Variants in FCHO2 observed in about 807,000 individuals in gnomAD.
FCHO2 encodes the protein FCH and mu domain containing endocytic adaptor 2, also known as F-BAR domain only protein 2.
Under a neutral mutation model 114.1 loss-of-function variants are expected in FCHO2, and 43 were observed. That is an observed-to-expected ratio of 0.38 (90% confidence interval 0.30 to 0.49). The LOEUF is 0.49. Among genes scored for constraint, FCHO2 ranks in the 20% least tolerant of loss-of-function variants. The pLI is 0.97. For missense variants in FCHO2, 807 were observed against 950.4 expected (o/e 0.85, Z 1.98); for synonymous variants, 293 against 315.2 (o/e 0.93, Z 0.75).
At chr5:72,997,514 A>T in intron 5 of FCHO2, 1 of 1,425,296 alleles carries the variant, frequency 7.0e-7, no homozygotes. Flanking sequence ...GGCCATCACC[A>T]TCAAATCCTG....
At chr5:72,957,712 C>T (rs1369147509) in intron 1 of FCHO2, among the ~76,000 whole-genome samples, 1 of 152,052 alleles carries the variant, frequency 6.6e-6, no homozygotes, top group Non-Finnish European at 1.5e-5. Context: ...AATGGGATTC[C>T]TGGGTCAAAT....
chr5:73,078,376 A>C, intron 22 of FCHO2, 64 bp downstream of exon 22: 1 of 1,400,354 alleles, frequency 7.1e-7, no homozygotes. Context: ...CTAGCATATA[A>C]ATGAATAAGT....
rs1212007728 is a variant in FCHO2, at chr5:72,980,127, G to T, written c.126-9300G>T. Among the ~76,000 whole-genome samples, 9 of 152,308 alleles carry T rather than the reference G, an allele frequency of 5.9e-5. No homozygotes were observed. In the East Asian group the frequency reaches 1.5e-3, roughly 26 times the overall value. ...TAAACACTGTTTCAGCTGTGTCCCA[G>T]AGATCCTGGTATGTTGTGTCTTTGT... On this transcript the variant is annotated intron_variant, in intron 2 of 25. Transcript: ENST00000430046.
chr5:72,958,546 C>T lies in FCHO2; in HGVS notation c.33+2417C>T, dbSNP rs191551375. 6.6e-5 allele frequency among the ~76,000 whole-genome samples: 10 copies of T among 152,310 alleles called. No homozygotes were observed. The South Asian group carries it at 1.9e-3, about 28-fold the overall frequency. On this transcript the variant is annotated intron_variant, in intron 1 of 25. Transcript: ENST00000430046. ...TCTATTCCATTGTCTTCCCTTACGA[C>T]AGCCAGTAACACACAGTTTGGATTG...
rs532812466 is a variant in FCHO2, at chr5:73,003,348, T to A, written c.496-3097T>A. On this transcript the variant is annotated intron_variant, in intron 5 of 25. Transcript: ENST00000430046. ...AAATTTTTATTGTATTTTATTTTTT[T>A]AAAATTTTTGTAGAGACAGGGTCTC... is the stretch of plus-strand genomic sequence containing the variant. Among the ~76,000 whole-genome samples the A allele has an allele frequency of 1.7e-3, 260 of 152,216 alleles. 1 individual carries two copies. Among genetic ancestry groups the A allele is most frequent in the African/African-American group, 5.8e-3 (243 of 41,548 alleles).
intron 2 of FCHO2, among the ~76,000 whole-genome samples, chr5:72,988,817 G>A (rs1753674341): frequency 1.3e-5 from 2 of 152,200 alleles, no homozygotes; most frequent in South Asian, 4.1e-4. Context: ...CAGTGAACCA[G>A]CTTACAGAGA....
At chr5:73,056,771 C>T (rs1264014216) in intron 16 of FCHO2, among the ~76,000 whole-genome samples, 2 of 151,792 alleles carry the variant, frequency 1.3e-5, no homozygotes, top group East Asian at 1.9e-4. Context: ...TCAGTTTTGA[C>T]TGTGACGTTA....
chr5:73,046,774 G>A (rs1011090630), intron 11 of FCHO2, among the ~76,000 whole-genome samples: 11 of 152,058 alleles, frequency 7.2e-5, no homozygotes, highest in Non-Finnish European at 1.2e-4. Flanking sequence ...CTTTTTATCC[G>A]TGGAATCTGC....
intron 3 of FCHO2, among the ~76,000 whole-genome samples, chr5:72,989,958 G>A (rs1472531962): frequency 1.3e-5 from 2 of 151,864 alleles, no homozygotes; most frequent in Non-Finnish European, 2.9e-5. Context: ...TATTAAAAAT[G>A]TGTTCCTTGA....
chr5:73,054,841 G>A (rs917103482), intron 15 of FCHO2, among the ~76,000 whole-genome samples: 2 of 152,108 alleles, frequency 1.3e-5, no homozygotes, highest in African/African-American at 2.4e-5. Flanking sequence ...GGCATTCTCT[G>A]TCTTATTAAC....
At chr5:73,017,343 A>AT in intron 8 of FCHO2, 35 bp downstream of exon 8, 1 of 1,356,374 alleles carries the variant, frequency 7.4e-7, no homozygotes, top group African/African-American at 1.5e-5. Context: ...AACATTTTAA[A>AT]TTTTCCCATA....
At chr5:73,057,167 T>G (rs557708417) in intron 16 of FCHO2, among the ~76,000 whole-genome samples, 98 of 152,002 alleles carry the variant, frequency 6.4e-4, no homozygotes, top group African/African-American at 2.3e-3. Context: ...ACTCCTGGAC[T>G]CAGACTCCTG....
intron 2 of FCHO2, among the ~76,000 whole-genome samples, chr5:72,972,843 A>G (rs1038881942): frequency 4.6e-5 from 7 of 152,156 alleles, no homozygotes; most frequent in African/African-American, 1.4e-4. Flanking sequence ...TGGGTTTGTC[A>G]TAGATAGCTC....
In FCHO2 at chr5:72,987,628, G is replaced by A. The variant is rs183368375; in HGVS notation, c.126-1799G>A. Reference sequence around the variant, plus strand: ...ACTGGGATTACAGGCGTGAGCCACCGTGCCTGGCTGATTAGGGATGTTTAA... The same window carrying A: ...ACTGGGATTACAGGCGTGAGCCACCATGCCTGGCTGATTAGGGATGTTTAA... On this transcript the variant is annotated intron_variant, in intron 2 of 25. Transcript: ENST00000430046. Among the ~76,000 whole-genome samples the A allele has an allele frequency of 2.7e-4, 41 of 152,240 alleles. No homozygotes were observed. The East Asian group carries it at 6.4e-3, about 24-fold the overall frequency.
chr5:72,991,308 C>T (rs1753798631), intron 5 of FCHO2, among the ~76,000 whole-genome samples: 1 of 152,198 alleles, frequency 6.6e-6, no homozygotes, highest in South Asian at 2.1e-4. Context: ...AGGTGATCCG[C>T]CCACCTTGGC....
intron 6 of FCHO2, among the ~76,000 whole-genome samples, chr5:73,011,992 G>A (rs1184976570): frequency 6.6e-6 from 1 of 151,984 alleles, no homozygotes; most frequent in Non-Finnish European, 1.5e-5. Flanking sequence ...CTGTTTTACA[G>A]TTATTGTTTT....
intron 21 of FCHO2, 111 bp downstream of exon 21, chr5:73,077,604 T>TAGGA (rs1351396160): frequency 8.5e-7 from 1 of 1,172,964 alleles, no homozygotes; most frequent in African/African-American, 1.6e-5. Flanking sequence ...CTGAGGCAGG[T>TAGGA]GGATTGCTTG....
At chr5:73,064,737 T>G (rs1272668427) in intron 18 of FCHO2, among the ~76,000 whole-genome samples, 2 of 151,926 alleles carry the variant, frequency 1.3e-5, no homozygotes, top group Non-Finnish European at 2.9e-5. Flanking sequence ...CACTTGAAAC[T>G]TTTCAGGGTT....
At chr5:73,063,353 C>A (rs1482092654) in intron 17 of FCHO2, among the ~76,000 whole-genome samples, 1 of 139,150 alleles carries the variant, frequency 7.2e-6, no homozygotes, top group Non-Finnish European at 1.6e-5. Flanking sequence ...AATAATGTAC[C>A]CCCCAAAATG....
Sources: allele counts gnomAD v4.1 joint callset (sites outside exome capture counted in the v4.1 genomes callset), GRCh38; gene constraint gnomAD v4.1.1; transcripts MANE v1.5; gene names NCBI Gene and HGNC (gene_info 2026-07-23, HGNC 2026-07-21).